The following BRI3 variants were observed in gnomAD, a reference collection of about 807,000 sequenced individuals.
BRI3 encodes the protein membrane protein BRI3.
Under a neutral mutation model 12.8 loss-of-function variants are expected in BRI3, and 6 were observed. The observed-to-expected ratio is 0.47, with a 90% confidence interval of 0.26 to 0.93. The LOEUF is 0.93. BRI3 is among the 40% of genes least tolerant of loss of function. The pLI, the probability that BRI3 is intolerant of heterozygous loss-of-function variation, is 0.15. For missense variants in BRI3, 134 were observed against 171.1 expected, an observed-to-expected ratio of 0.78 and a Z score of 1.21; for synonymous variants, 91 against 76.1, an observed-to-expected ratio of 1.20 and a Z score of -1.02.
At chr7:98,284,905 G>A (rs1799661642) in intron 2 of BRI3, among the ~76,000 whole-genome samples, 1 of 152,206 alleles carries the variant, frequency 6.6e-6, no homozygotes, top group South Asian at 2.1e-4. Context: ...CCTCCCTGAA[G>A]CCAGGTTCTC....
chr7:98,285,757 C>G (rs1026928811), intron 2 of BRI3, among the ~76,000 whole-genome samples: 6 of 152,182 alleles, frequency 3.9e-5, no homozygotes, highest in African/African-American at 1.4e-4. Context: ...TGGGAATGGC[C>G]CTGGGAGGTC....
At chr7:98,301,293 T>C (rs1482886546) in intron 1 of BRI3, among the ~76,000 whole-genome samples, 2 of 152,104 alleles carry the variant, frequency 1.3e-5, no homozygotes, top group Non-Finnish European at 2.9e-5. Flanking sequence ...TCAGTGATCA[T>C]GAAGTTAATC....
upstream of BRI3, chr7:98,304,167 C>T: frequency 6.5e-7 from 1 of 1,538,336 alleles, no homozygotes; most frequent in South Asian, 1.2e-5. Context: ...AGTCCAGGAC[C>T]CAGGACGCCC....
chr7:98,316,946 C>T, the BRI3 span, among the ~76,000 whole-genome samples: 1 of 147,058 alleles, frequency 6.8e-6, no homozygotes, highest in Non-Finnish European at 1.5e-5. Context: ...TCACTGCAAC[C>T]TCTGCCTCCC....
rs1180326213 is a variant in BRI3 at position 98,290,181 on chromosome 7, G to GTTTTT, written c.246-909_246-905dup. Among the ~76,000 whole-genome samples, 73 of 102,534 alleles carry GTTTTT rather than the reference G, an allele frequency of 7.1e-4. 1 individual carries two copies. Among genetic ancestry groups the GTTTTT allele is most frequent in the East Asian group, 2.3e-3 (7 of 3,062 alleles). 67.3% of individuals were successfully genotyped at this position (102,534 alleles called of 152,430 possible). On this transcript the variant is annotated intron_variant, in intron 2 of 2. Coordinates refer to ENST00000297290, the MANE Select transcript of BRI3 (RefSeq NM_015379.5). ...CAAAATGATCATGCCTCTCAAGGTTGTTTTTTTTTTTTTTTTTTTTTTTTT... is the reference window on the plus strand; with the variant it reads ...CAAAATGATCATGCCTCTCAAGGTTGTTTTTTTTTTTTTTTTTTTTTTTTTTTTTT...
rs113655992 is a variant in BRI3 at position 98,286,591 on chromosome 7, G to A, written c.245+4138G>A. Among the ~76,000 whole-genome samples the A allele has an allele frequency of 5.9e-3, 896 of 152,316 alleles. 18 individuals are homozygous for A. The highest frequency in any genetic ancestry group is 0.02 in the African/African-American group (841 of 41,562). Reference sequence around the variant, plus strand: ...AGGAGAACTCGAGGCTGTGGGGACCGCAGGTGTTCCGGGGCAGGGGTTCCC... The same window carrying A: ...AGGAGAACTCGAGGCTGTGGGGACCACAGGTGTTCCGGGGCAGGGGTTCCC... On this transcript the variant is annotated intron_variant, in intron 2 of 2. Transcript: ENST00000297290.
chr7:98,297,190 C>T (rs1800228111), downstream of BRI3, among the ~76,000 whole-genome samples: 2 of 152,228 alleles, frequency 1.3e-5, no homozygotes, highest in Non-Finnish European at 2.9e-5. Flanking sequence ...CTTGTGATCC[C>T]CCATCTCCCG....
At chr7:98,306,125 A>C (rs758629730), upstream of BRI3, among the ~76,000 whole-genome samples, 17 of 152,186 alleles carry the variant, frequency 1.1e-4, no homozygotes, top group Non-Finnish European at 2.4e-4. Context: ...CGGTAAGATA[A>C]GTGTAAGATA....
chr7:98,318,570 C>T, the BRI3 span, among the ~76,000 whole-genome samples: 3 of 151,928 alleles, frequency 2.0e-5, no homozygotes, highest in Admixed American at 6.6e-5. Context: ...TGAGCCACCA[C>T]GCCCAGTGAA....
the BRI3 span, among the ~76,000 whole-genome samples, chr7:98,320,691 A>C: frequency 2.6e-5 from 4 of 152,200 alleles, no homozygotes; most frequent in Admixed American, 6.5e-5. Flanking sequence ...GAAACACAGA[A>C]ATACACTGTC....
chr7:98,308,360 C>A, exon 2 of BRI3: 1 of 445,660 alleles, frequency 2.2e-6, no homozygotes, highest in Non-Finnish European at 4.5e-6. Context: ...CCATGCTGGC[C>A]GCTCAGCTTC....
intron 2 of BRI3, among the ~76,000 whole-genome samples, chr7:98,284,029 C>T (rs1336882813): frequency 6.6e-6 from 1 of 152,232 alleles, no homozygotes; most frequent in Non-Finnish European, 1.5e-5. Flanking sequence ...GAGGTGCTCT[C>T]CAGTTATGCA....
At chr7:98,292,562 A>G (rs1800012613), downstream of BRI3, 1 of 1,383,944 alleles carries the variant, frequency 7.2e-7, no homozygotes, top group Non-Finnish European at 1.0e-6. Context: ...GCCAGTGCGT[A>G]GTCCTCACAT....
downstream of BRI3, chr7:98,293,605 G>T (rs775363841): frequency 9.9e-6 from 16 of 1,611,722 alleles, no homozygotes; most frequent in African/African-American, 1.7e-4. Context: ...CGCTGCAGGG[G>T]ATAAGAAAAA....
At chr7:98,293,690 T>A, downstream of BRI3, 3 of 1,268,906 alleles carry the variant, frequency 2.4e-6, no homozygotes, top group South Asian at 1.2e-5. Context: ...CCTGTGAGAC[T>A]GGGCGGCTGA....
intron 1 of BRI3, among the ~76,000 whole-genome samples, chr7:98,299,770 G>T (rs1800344150): frequency 6.6e-6 from 1 of 152,188 alleles, no homozygotes; most frequent in Non-Finnish European, 1.5e-5. Context: ...GCCGGGCGCA[G>T]TGACTCACGC....
chr7:98,294,969 G>A (rs532340292), downstream of BRI3, among the ~76,000 whole-genome samples: 4 of 152,318 alleles, frequency 2.6e-5, no homozygotes, highest in Admixed American at 2.6e-4. Context: ...TTTCCTGCCT[G>A]CACACAGGGA....
At chr7:98,314,692 T>A (rs971781711), downstream of BRI3, among the ~76,000 whole-genome samples, 2 of 151,624 alleles carry the variant, frequency 1.3e-5, no homozygotes, top group African/African-American at 4.8e-5. Flanking sequence ...TGCGCGTGAA[T>A]GGGGGCCCGT....
downstream of BRI3, among the ~76,000 whole-genome samples, chr7:98,295,575 T>C (rs758911685): frequency 5.3e-5 from 8 of 152,164 alleles, no homozygotes; most frequent in Admixed American, 6.5e-5. Context: ...TCGTGGACTC[T>C]GTTGCAGAAG....
Sources: gnomAD v4.1 joint callset for allele counts (sites outside exome capture counted in the v4.1 genomes callset) on GRCh38, gnomAD v4.1.1 for gene constraint, MANE v1.5 for transcripts, NCBI Gene and HGNC (gene_info 2026-07-23, HGNC 2026-07-21) for gene names.